Variants in HRH2 observed in about 807,000 individuals in gnomAD.
HRH2 encodes histamine receptor H2.
A neutral mutation model predicts 20.1 loss-of-function variants in HRH2; 4 were observed. The ratio of observed to expected loss-of-function variants is 0.20; its 90% CI spans 0.10 to 0.45. HRH2 has a LOEUF of 0.45. Ranked by LOEUF, HRH2 falls within the 20% of genes least tolerant of loss-of-function variation. The probability of loss-of-function intolerance (pLI) is 0.99; values close to 1 mark genes in which losing one functional copy is unlikely to be tolerated. For missense variants in HRH2, 250 were observed against 461.6 expected (o/e 0.54, Z 4.20); for synonymous variants, 197 against 200.7 (o/e 0.98, Z 0.16).
At chr5:175,707,323 G>A (rs571258024) in intron 2 of HRH2, among the ~76,000 whole-genome samples, 10 of 152,284 alleles carry the variant, frequency 6.6e-5, no homozygotes, top group South Asian at 4.1e-4. Context: ...TCAGCTACTC[G>A]GGAGGCTGAG....
intron 2 of HRH2, among the ~76,000 whole-genome samples, chr5:175,692,321 T>C (rs1756413267): frequency 6.6e-6 from 1 of 152,222 alleles, no homozygotes; most frequent in Non-Finnish European, 1.5e-5. Context: ...CGAAATGTTA[T>C]TCTATTATTT....
intron 2 of HRH2, among the ~76,000 whole-genome samples, chr5:175,701,625 T>C (rs796850762): frequency 2.6e-5 from 4 of 152,168 alleles, no homozygotes; most frequent in Non-Finnish European, 4.4e-5. Flanking sequence ...TTTGGTTTCA[T>C]TGGATTGGGT....
chr5:175,707,336 G>A (rs1047242931), intron 2 of HRH2, among the ~76,000 whole-genome samples: 2 of 152,022 alleles, frequency 1.3e-5, no homozygotes, highest in East Asian at 1.9e-4. Flanking sequence ...AGGCTGAGGT[G>A]GGAGGATCCC....
At position 175,687,353 on chromosome 5, in the gene HRH2, C is replaced by T. The variant is rs898081951; in HGVS notation, c.1076+3044C>T. Among the ~76,000 whole-genome samples the T allele has an allele frequency of 3.3e-5, 5 of 152,288 alleles. No individual in the cohort carries two copies. Among genetic ancestry groups the T allele is most frequent in the African/African-American group, 1.2e-4 (5 of 41,562 alleles). On this transcript the variant is annotated intron_variant, in intron 2 of 2. Coordinates refer to ENST00000636584, the MANE Select transcript of HRH2 (RefSeq NM_001367711.1). The surrounding 1 kb of genome is among the most constrained non-coding windows in gnomAD (Gnocchi z 5.2). ...GTCTGGGGACAAACCCGCACTGACC[C>T]AGAGCCGTTATCACTGCCAAGATTG... is the stretch of plus-strand genomic sequence containing the variant.
rs1477022052 is a variant in HRH2, at chr5:175,708,208, T to C, written c.*237T>C. ...CTGGGCCCGAGTGGGCTGAATCCCA[T>C]GGGTTCAAAGCTCACGTTGGTGCTG... On this transcript the variant is annotated 3_prime_UTR_variant, in exon 3 of 3. Transcript: ENST00000636584. 1 of 363,352 alleles carries C rather than the reference T, an allele frequency of 2.8e-6. No homozygotes were observed. The highest frequency in any genetic ancestry group is 2.1e-5 in the African/African-American group (1 of 47,866). The allele number at this position is 363,352 out of a possible 1,614,324, so 22.5% of individuals were successfully genotyped here.
At chr5:175,701,881 C>A (rs547157697) in intron 2 of HRH2, among the ~76,000 whole-genome samples, 1 of 152,226 alleles carries the variant, frequency 6.6e-6, no homozygotes, top group Non-Finnish European at 1.5e-5. Context: ...CGTTAACATC[C>A]GCTAAAATAG....
chr5:175,663,691 C>A (rs1391535117), intron 1 of HRH2, among the ~76,000 whole-genome samples: 1 of 152,244 alleles, frequency 6.6e-6, no homozygotes, highest in African/African-American at 2.4e-5. Flanking sequence ...GCCCTTTGCA[C>A]AGCAGTTCAA....
intron 2 of HRH2, among the ~76,000 whole-genome samples, chr5:175,690,035 G>A (rs774564754): frequency 1.1e-4 from 16 of 152,216 alleles, no homozygotes; most frequent in Non-Finnish European, 1.6e-4. Flanking sequence ...GTTTCCTTAA[G>A]GGTCAGAATG....
At position 175,694,450 on chromosome 5, in the gene HRH2, C is replaced by T. The variant is rs926991570; in HGVS notation, c.1076+10141C>T. ...TGGCACCTGCGTGGACATAGTCGGC[C>T]GGCTCCTGGGCTCTCCCTGGCCCTA... On this transcript the variant is annotated intron_variant, in intron 2 of 2. Coordinates refer to ENST00000636584, the MANE Select transcript of HRH2 (RefSeq NM_001367711.1). Among the ~76,000 whole-genome samples the T allele has an allele frequency of 3.3e-5, 5 of 152,128 alleles. No individual in the cohort carries two copies. In the East Asian group the frequency reaches 7.7e-4, roughly 24 times the overall value.
At chr5:175,674,193 C>T (rs1255881155) in intron 1 of HRH2, among the ~76,000 whole-genome samples, 2 of 152,086 alleles carry the variant, frequency 1.3e-5, no homozygotes, top group South Asian at 2.1e-4. Flanking sequence ...AAATCAGTGC[C>T]GAGGCTGGTT....
At position 175,682,981 on chromosome 5, in the gene HRH2, TTC is replaced by T; in HGVS notation, c.-247_-246del. 1 of 447,312 alleles carries T rather than the reference TTC, an allele frequency of 2.2e-6. No individual in the cohort carries two copies. Among genetic ancestry groups the T allele is most frequent in the Non-Finnish European group, 3.9e-6 (1 of 254,956 alleles). 27.7% of individuals were successfully genotyped at this position (447,312 alleles called of 1,614,324 possible). On this transcript the variant is annotated 5_prime_UTR_variant, in exon 2 of 3. The change creates a premature stop within an existing upstream ORF in the 5' untranslated region. Coordinates refer to ENST00000636584, the MANE Select transcript of HRH2 (RefSeq NM_001367711.1). ...TGAACCTGGCTTCGAGGCCTTGCTT[TTC>T]TCTCTTCTTCATTCATATTCATTCC...
intron 1 of HRH2, among the ~76,000 whole-genome samples, chr5:175,663,530 G>GCTAA (rs1581403863): frequency 6.6e-6 from 1 of 152,188 alleles, no homozygotes; most frequent in Non-Finnish European, 1.5e-5. Context: ...GGACTGAAAT[G>GCTAA]CTAACTCCAT....
At chr5:175,663,850 C>T (rs531900508) in intron 1 of HRH2, among the ~76,000 whole-genome samples, 12 of 152,356 alleles carry the variant, frequency 7.9e-5, no homozygotes, top group African/African-American at 2.9e-4. Context: ...CCTTTGACTA[C>T]TGTGTGACCC....
chr5:175,684,191 A>C lies in HRH2; in HGVS notation c.958A>C (p.Asn320His). 6.2e-7 allele frequency: 1 copy of C among 1,614,174 alleles called. No individual in the cohort carries two copies. The highest frequency in any genetic ancestry group is 8.5e-7 in the Non-Finnish European group (1 of 1,180,030). Reference sequence around the variant, plus strand: ...CTCCCACAAAACTTCTCTGAGGTCCAACGCCTCTCAGCTGTCCAGGACCCA... The same window carrying C: ...CTCCCACAAAACTTCTCTGAGGTCCCACGCCTCTCAGCTGTCCAGGACCCA... The part of the protein sequence containing the change: ...RNSHKTSLRS[N>H]ASQLSRTQSR... The change falls in exon 2 of 3, where the codon AAC becomes CAC. Residue 320 changes from asparagine to histidine, a missense_variant. By Grantham distance (68) the Asn-to-His change is moderately conservative. Transcript: ENST00000636584.
chr5:175,679,752 G>GA, intron 1 of HRH2, among the ~76,000 whole-genome samples: 1 of 152,336 alleles, frequency 6.6e-6, no homozygotes, highest in East Asian at 1.9e-4. Flanking sequence ...GAAGGAGGGA[G>GA]AAGGTGTGCT....
At position 175,687,149 on chromosome 5, in the gene HRH2, G is replaced by A. The variant is rs924839371; in HGVS notation, c.1076+2840G>A. Among the ~76,000 whole-genome samples, 7 of 152,176 alleles carry A rather than the reference G, an allele frequency of 4.6e-5. No individual in the cohort carries two copies. The highest frequency in any genetic ancestry group is 1.3e-4 in the Admixed American group (2 of 15,286). On this transcript the variant is annotated intron_variant, in intron 2 of 2. Coordinates refer to ENST00000636584, the MANE Select transcript of HRH2 (RefSeq NM_001367711.1). The surrounding 1 kb of genome is among the most constrained non-coding windows in gnomAD (Gnocchi z 5.2). ...CAGAGGGCTTTGGCAGAGAAGGGTGGGGGAGCCAGTCAGAGGGCCCCACAC... is the reference window on the plus strand; with the variant it reads ...CAGAGGGCTTTGGCAGAGAAGGGTGAGGGAGCCAGTCAGAGGGCCCCACAC...
At chr5:175,663,403 G>T (rs572187457) in intron 1 of HRH2, among the ~76,000 whole-genome samples, 28 of 152,264 alleles carry the variant, frequency 1.8e-4, no homozygotes, top group Admixed American at 1.6e-3. Context: ...TTCCCTGAGG[G>T]CTAATGACTT....
Position 175,670,908 on chromosome 5 carries a change from G to A in HRH2, c.-525-11801G>A, listed in dbSNP as rs539509906. On this transcript the variant is annotated intron_variant, in intron 1 of 2. Transcript: ENST00000636584. ...TAACAATGCTTAACAAGCCTCATCT[G>A]AATGCAGTAGTGGGCACACAGACAT... Among the ~76,000 whole-genome samples the A allele has an allele frequency of 2.6e-5, 4 of 152,360 alleles. No individual in the cohort carries two copies. The South Asian group carries it at 8.3e-4, about 32-fold the overall frequency.
chr5:175,688,071 A>C (rs1053390717), intron 2 of HRH2, among the ~76,000 whole-genome samples: 1 of 152,042 alleles, frequency 6.6e-6, no homozygotes, highest in African/African-American at 2.4e-5. Context: ...ACATCACTCC[A>C]GCCTTTTGCT....
Sources: gnomAD v4.1 joint callset for allele counts (sites outside exome capture counted in the v4.1 genomes callset) on GRCh38, gnomAD v4.1.1 for gene constraint, Gnocchi (gnomAD v3.1) non-coding constraint, MANE v1.5 for transcripts, NCBI Gene and HGNC (gene_info 2026-07-23, HGNC 2026-07-21) for gene names.